The following UACA variants were observed in gnomAD, a reference collection of about 807,000 sequenced individuals.
UACA encodes the protein nuclear membrane binding protein.
A neutral mutation model predicts 160.5 loss-of-function variants in UACA; 112 were observed. That is an observed-to-expected ratio of 0.70 (90% CI 0.60 to 0.82). The LOEUF (loss-of-function observed/expected upper bound fraction) is 0.82, where lower values mean the gene tolerates loss of function less well. Among genes scored for constraint, UACA ranks in the 40% least tolerant of loss-of-function variants. The pLI is 0.00. For missense variants in UACA, 1,574 were observed against 1,614.6 expected (o/e 0.97, Z 0.43); for synonymous variants, 557 against 568.4 (o/e 0.98, Z 0.29).
intron 1 of UACA, among the ~76,000 whole-genome samples, chr15:70,742,617 A>G (rs1202120000): frequency 1.3e-5 from 2 of 152,210 alleles, no homozygotes; most frequent in Non-Finnish European, 2.9e-5. Flanking sequence ...GAGTATCATA[A>G]CCAAAAAATG....
chr15:70,726,353 A>G (rs530457914), intron 1 of UACA, among the ~76,000 whole-genome samples: 55 of 152,262 alleles, frequency 3.6e-4, no homozygotes, highest in Admixed American at 1.3e-3. Flanking sequence ...CTTTTACAAG[A>G]TGTATATCTG....
chr15:70,748,330 T>C (rs1454852495), intron 1 of UACA, among the ~76,000 whole-genome samples: 2 of 152,200 alleles, frequency 1.3e-5, no homozygotes, highest in African/African-American at 4.8e-5. Context: ...TACACCACTA[T>C]GCACGTGACC....
chr15:70,678,244 T>C, intron 10 of UACA, 38 bp from the exon 11 acceptor site: 2 of 1,489,022 alleles, frequency 1.3e-6, no homozygotes, highest in Non-Finnish European at 1.8e-6. Flanking sequence ...AGGCCAATCT[T>C]AAAAGAGCAA....
At chr15:70,671,907 CATT>C in intron 14 of UACA, 55 bp downstream of exon 14, 2 of 1,408,622 alleles carry the variant, frequency 1.4e-6, no homozygotes, top group South Asian at 2.7e-5. Context: ...TAAGAATAAA[CATT>C]CTTCTTTACT....
chr15:70,724,816 A>C (rs1002794927), intron 1 of UACA, among the ~76,000 whole-genome samples: 1 of 152,116 alleles, frequency 6.6e-6, no homozygotes, highest in African/African-American at 2.4e-5. Flanking sequence ...CAGAAAAAAA[A>C]AGATATCTAG....
chr15:70,756,386 C>T (rs1285224702), intron 1 of UACA, among the ~76,000 whole-genome samples: 1 of 151,392 alleles, frequency 6.6e-6, no homozygotes, highest in East Asian at 2.0e-4. Flanking sequence ...GTCTCGAACT[C>T]CTGACCTCAA....
intron 1 of UACA, among the ~76,000 whole-genome samples, chr15:70,746,970 C>G (rs904496491): frequency 2.6e-5 from 4 of 152,132 alleles, no homozygotes; most frequent in Non-Finnish European, 2.9e-5. Flanking sequence ...ACATCATACA[C>G]TGGGGCCTGT....
At chr15:70,716,609 T>C (rs1279278769) in intron 1 of UACA, among the ~76,000 whole-genome samples, 26 of 152,128 alleles carry the variant, frequency 1.7e-4, no homozygotes, top group Non-Finnish European at 2.9e-5. Context: ...AGCAGCCAAA[T>C]TGAGAAATAA....
intron 5 of UACA, among the ~76,000 whole-genome samples, chr15:70,689,523 TATC>T (rs1566977018): frequency 6.6e-6 from 1 of 152,126 alleles, no homozygotes; most frequent in East Asian, 1.9e-4. Context: ...TGTGAGAAAT[TATC>T]ATACAAATAA....
intron 1 of UACA, among the ~76,000 whole-genome samples, chr15:70,707,094 G>C (rs534081323): frequency 1.3e-5 from 2 of 152,244 alleles, no homozygotes; most frequent in East Asian, 1.9e-4. Context: ...CAGACATATA[G>C]ACCAGTGGAA....
chr15:70,741,715 CGT>C (rs1415699433), intron 1 of UACA, among the ~76,000 whole-genome samples: 1 of 152,086 alleles, frequency 6.6e-6, no homozygotes, highest in African/African-American at 2.4e-5. Context: ...GTGATTAAAA[CGT>C]TAGTTTTAAT....
At chr15:70,697,868 T>C (rs1010400813) in intron 2 of UACA, among the ~76,000 whole-genome samples, 2 of 152,014 alleles carry the variant, frequency 1.3e-5, no homozygotes, top group Non-Finnish European at 2.9e-5. Flanking sequence ...CTGACCAACA[T>C]GAAGAAACCC....
At chr15:70,691,758 A>G (rs943099319) in intron 3 of UACA, among the ~76,000 whole-genome samples, 2 of 152,168 alleles carry the variant, frequency 1.3e-5, no homozygotes, top group African/African-American at 4.8e-5. Flanking sequence ...TACATATCCA[A>G]ATAGGCAGTG....
chr15:70,692,929 T>TA (rs1555412096), intron 3 of UACA, among the ~76,000 whole-genome samples: 11 of 152,144 alleles, frequency 7.2e-5, no homozygotes, highest in Non-Finnish European at 1.6e-4. Flanking sequence ...GAACAAAACA[T>TA]AGTGAGTCCA....
At chr15:70,665,621 A>G (rs942377670) in intron 16 of UACA, among the ~76,000 whole-genome samples, 2 of 152,192 alleles carry the variant, frequency 1.3e-5, no homozygotes, top group Non-Finnish European at 1.5e-5. Context: ...GAAAAAAAAC[A>G]AAGAAAATGA....
intron 1 of UACA, among the ~76,000 whole-genome samples, chr15:70,724,909 T>C (rs1411434611): frequency 6.7e-6 from 1 of 149,438 alleles, no homozygotes; most frequent in African/African-American, 2.5e-5. Context: ...ATAGCAAGAC[T>C]CTGTCTCTAC....
chr15:70,726,452 C>T (rs567943836), intron 1 of UACA, among the ~76,000 whole-genome samples: 5 of 152,152 alleles, frequency 3.3e-5, no homozygotes, highest in South Asian at 2.1e-4. Flanking sequence ...CTTTGCTATT[C>T]GTGTATAAAA....
Position 70,725,105 on chromosome 15 carries a change from G to A in UACA, c.79-25445C>T, listed in dbSNP as rs138842184. 1.9e-3 allele frequency among the ~76,000 whole-genome samples: 291 copies of A among 151,812 alleles called. 1 individual carries two copies. The highest frequency in any genetic ancestry group is 6.7e-3 in the African/African-American group (277 of 41,432). ...AGATCTCAAAAAAAAAAAAATCTTC[G>A]TTTGATGGAATATTTGATAGATTTA... is the stretch of plus-strand genomic sequence containing the variant. On this transcript the variant is annotated intron_variant, in intron 1 of 18. Transcript: ENST00000322954.
chr15:70,770,116 A>G, the UACA span, among the ~76,000 whole-genome samples: 2 of 152,270 alleles, frequency 1.3e-5, no homozygotes, highest in Non-Finnish European at 2.9e-5. Flanking sequence ...GATTACCAAA[A>G]GAACCATTCC....
Sources: gnomAD v4.1 joint callset for allele counts (sites outside exome capture counted in the v4.1 genomes callset) on GRCh38, gnomAD v4.1.1 for gene constraint, MANE v1.5 for transcripts, NCBI Gene and HGNC (gene_info 2026-07-23, HGNC 2026-07-21) for gene names.